LINGO2: variants seen among roughly 807,000 people sequenced by gnomAD.
LINGO2 encodes the protein leucine rich repeat and Ig domain containing 2.
Under a neutral mutation model 30.6 loss-of-function variants are expected in LINGO2, and 14 were observed. That is an observed-to-expected ratio of 0.46 (90% CI 0.30 to 0.72). The LOEUF is 0.72. Among genes scored for constraint, LINGO2 ranks in the 30% least tolerant of loss-of-function variants. LINGO2 has a pLI of 0.07. For missense variants in LINGO2, 729 were observed against 751.7 expected (o/e 0.97, Z 0.35); for synonymous variants, 317 against 288.5 (o/e 1.10, Z -1.00).
At chr9:28,798,272 G>T in the LINGO2 span, among the ~76,000 whole-genome samples, 1 of 54,990 alleles carries the variant, frequency 1.8e-5, no homozygotes, top group Non-Finnish European at 3.8e-5. Context: ...GATGTAGTAG[G>T]ATGGAAAAAA....
chr9:28,775,788 T>C, the LINGO2 span, among the ~76,000 whole-genome samples: 8 of 152,348 alleles, frequency 5.3e-5, no homozygotes, highest in African/African-American at 1.7e-4. Context: ...TGAAATATTA[T>C]GATATTTTCT....
intron 2 of LINGO2, among the ~76,000 whole-genome samples, chr9:28,471,251 A>C (rs1037478689): frequency 6.6e-6 from 1 of 152,092 alleles, no homozygotes; most frequent in Non-Finnish European, 1.5e-5. Context: ...GTCCAAGTGC[A>C]TACTAGCAGT....
At chr9:28,937,256 T>C in the LINGO2 span, among the ~76,000 whole-genome samples, 1 of 152,134 alleles carries the variant, frequency 6.6e-6, no homozygotes, top group Non-Finnish European at 1.5e-5. Context: ...TGAAAGTGTA[T>C]CTAAATATCA....
intron 4 of LINGO2, among the ~76,000 whole-genome samples, chr9:28,159,229 T>C (rs1255514736): frequency 6.6e-6 from 1 of 152,182 alleles, no homozygotes; most frequent in Non-Finnish European, 1.5e-5. Context: ...AAAGATGAGC[T>C]AGATACTATT....
At chr9:28,179,996 C>T (rs1009168021) in intron 4 of LINGO2, among the ~76,000 whole-genome samples, 2 of 151,892 alleles carry the variant, frequency 1.3e-5, no homozygotes, top group Non-Finnish European at 2.9e-5. Context: ...TTTAGGTAAC[C>T]ACTGCCTCAA....
At chr9:28,628,463 C>T (rs935789194) in intron 1 of LINGO2, among the ~76,000 whole-genome samples, 2 of 151,990 alleles carry the variant, frequency 1.3e-5, no homozygotes, top group East Asian at 3.9e-4. Context: ...ATGCCGGGTG[C>T]GTATAGTGTG....
chr9:29,042,253 C>A, the LINGO2 span, among the ~76,000 whole-genome samples: 1 of 151,834 alleles, frequency 6.6e-6, no homozygotes, highest in African/African-American at 2.4e-5. Context: ...CCTGAATGCA[C>A]CCAATCTCAT....
chr9:28,863,815 TC>T, the LINGO2 span: 1 of 297,162 alleles, frequency 3.4e-6, no homozygotes, highest in African/African-American at 2.1e-5. Context: ...AAGAATATGC[TC>T]AGTTTTGCAC....
intron 4 of LINGO2, among the ~76,000 whole-genome samples, chr9:28,070,129 CAAT>C (rs1206989787): frequency 6.6e-6 from 1 of 152,156 alleles, no homozygotes; most frequent in African/African-American, 2.4e-5. Context: ...TCCTCTAACT[CAAT>C]AAGAGTTACC....
the LINGO2 span, among the ~76,000 whole-genome samples, chr9:28,753,924 T>C: frequency 1.3e-5 from 2 of 151,950 alleles, no homozygotes; most frequent in Non-Finnish European, 2.9e-5. Flanking sequence ...AGAGGAATGT[T>C]TTGCATTACA....
At chr9:28,176,531 T>C (rs1404236773) in intron 4 of LINGO2, among the ~76,000 whole-genome samples, 2 of 152,198 alleles carry the variant, frequency 1.3e-5, no homozygotes, top group African/African-American at 4.8e-5. Context: ...AAGTAGATTA[T>C]GCTCAATAAA....
chr9:28,190,978 A>G (rs954351932), intron 4 of LINGO2, among the ~76,000 whole-genome samples: 2 of 152,170 alleles, frequency 1.3e-5, no homozygotes, highest in African/African-American at 4.8e-5. Flanking sequence ...GTAAGTGGAG[A>G]AACAATTATT....
the LINGO2 span, among the ~76,000 whole-genome samples, chr9:28,885,153 C>T: frequency 0.85 from 124,104 of 145,798 alleles, 53,009 homozygotes; most frequent in Non-Finnish European, 0.89. Context: ...CTCAAAGTCT[C>T]TCTTGCCCAC....
intron 5 of LINGO2, among the ~76,000 whole-genome samples, chr9:28,001,083 G>T (rs115504921): frequency 1.3e-5 from 2 of 152,056 alleles, no homozygotes; most frequent in African/African-American, 2.4e-5. Context: ...CCATCAATGT[G>T]TTTTCACACA....
At chr9:28,653,525 A>T (rs1214661334) in intron 1 of LINGO2, among the ~76,000 whole-genome samples, 9 of 152,156 alleles carry the variant, frequency 5.9e-5, no homozygotes, top group African/African-American at 1.7e-4. Flanking sequence ...CACAGGATAC[A>T]AAAATTTAAT....
At chr9:29,091,698 C>T in the LINGO2 span, among the ~76,000 whole-genome samples, 1 of 151,990 alleles carries the variant, frequency 6.6e-6, no homozygotes, top group African/African-American at 2.4e-5. Context: ...AATTACTGTT[C>T]TCCCCAAATC....
At chr9:29,021,866 G>A in the LINGO2 span, among the ~76,000 whole-genome samples, 3 of 151,798 alleles carry the variant, frequency 2.0e-5, no homozygotes, top group African/African-American at 7.3e-5. Flanking sequence ...GTCTTAATAT[G>A]GATCACATTT....
chr9:29,059,324 T>C, the LINGO2 span, among the ~76,000 whole-genome samples: 549 of 151,440 alleles, frequency 3.6e-3, 2 homozygotes, highest in African/African-American at 0.013. Context: ...AATTACAAAA[T>C]AAAATTATTA....
chr9:28,156,859 C>T (rs1828144967), intron 4 of LINGO2, among the ~76,000 whole-genome samples: 2 of 152,236 alleles, frequency 1.3e-5, no homozygotes, highest in African/African-American at 2.4e-5. Context: ...CCTTTGACTC[C>T]ATGCTTTATA....
Sources: allele counts gnomAD v4.1 joint callset (sites outside exome capture counted in the v4.1 genomes callset), GRCh38; gene constraint gnomAD v4.1.1; transcripts MANE v1.5; gene names NCBI Gene and HGNC (gene_info 2026-07-23, HGNC 2026-07-21).